Variants in CDC42BPA observed in about 807,000 individuals in gnomAD.
The protein encoded by CDC42BPA is CDC42 binding protein kinase alpha.
In CDC42BPA, 80 loss-of-function variants were observed where a neutral mutation model predicts 223.5. The ratio of observed to expected loss-of-function variants is 0.36; its 90% CI spans 0.30 to 0.43. CDC42BPA has a LOEUF of 0.43. CDC42BPA is among the 20% of genes least tolerant of loss of function. The pLI, the probability that CDC42BPA is intolerant of heterozygous loss-of-function variation, is 1.00. For missense variants in CDC42BPA, 1,743 were observed against 2,099.9 expected, an observed-to-expected ratio of 0.83 and a Z score of 3.32; for synonymous variants, 694 against 718.6, an observed-to-expected ratio of 0.97 and a Z score of 0.55.
At chr1:227,241,327 C>G (rs1479851642) in intron 2 of CDC42BPA, among the ~76,000 whole-genome samples, 2 of 152,088 alleles carry the variant, frequency 1.3e-5, no homozygotes, top group East Asian at 1.9e-4. Flanking sequence ...CCTAGCATAG[C>G]AGTTCCACTT....
At chr1:227,034,593 A>C in intron 26 of CDC42BPA, 62 bp downstream of exon 26, 5 of 1,476,528 alleles carry the variant, frequency 3.4e-6, no homozygotes, top group Non-Finnish European at 4.6e-6. Context: ...ATTTTTGAAA[A>C]TCAGAAACTT....
chr1:227,275,450 A>C (rs1299276733), intron 1 of CDC42BPA, among the ~76,000 whole-genome samples: 1 of 152,156 alleles, frequency 6.6e-6, no homozygotes, highest in African/African-American at 2.4e-5. Flanking sequence ...AGTAGATGTT[A>C]ATAAAATTAA....
chr1:227,169,729 C>T (rs1665755767), intron 5 of CDC42BPA, among the ~76,000 whole-genome samples: 1 of 152,172 alleles, frequency 6.6e-6, no homozygotes, highest in African/African-American at 2.4e-5. Context: ...CATATACCTC[C>T]ATCTTCTTTG....
At chr1:227,142,907 T>C (rs1349470973) in intron 9 of CDC42BPA, 38 bp downstream of exon 9, 2 of 1,419,692 alleles carry the variant, frequency 1.4e-6, no homozygotes, top group Non-Finnish European at 1.9e-6. Context: ...CGTGAGCCAC[T>C]GCACTTGGCC....
chr1:227,231,470 T>A (rs1298666358), intron 2 of CDC42BPA, among the ~76,000 whole-genome samples: 4 of 152,218 alleles, frequency 2.6e-5, no homozygotes, highest in Non-Finnish European at 5.9e-5. Flanking sequence ...TATAGCAGCA[T>A]GATTTATAAT....
chr1:227,263,555 G>A (rs1684461646), intron 1 of CDC42BPA, among the ~76,000 whole-genome samples: 1 of 151,140 alleles, frequency 6.6e-6, no homozygotes, highest in Non-Finnish European at 1.5e-5. Context: ...GACAAACCTT[G>A]CTGATATCTC....
At position 226,994,245 on chromosome 1, in the gene CDC42BPA, A is replaced by G. The variant is rs3795452; in HGVS notation, c.*23T>C. On this transcript the variant is annotated 3_prime_UTR_variant, in exon 37 of 37. Transcript: ENST00000366766. This position sits in a 1 kb window ranked among gnomAD's most constrained non-coding sequence, Gnocchi z 4.0. ...GGCGAGTGGCAGGGAGCGGAGAGCG[A>G]GAGGTCCCAGTGCTGAGGCAGCTCA... 5,745 of 1,557,702 alleles carry G rather than the reference A, an allele frequency of 3.7e-3. 109 individuals are homozygous for G. The highest frequency in any genetic ancestry group is 0.036 in the East Asian group (1,495 of 41,474).
chr1:227,196,794 A>AAGATAT (rs1670834194), intron 4 of CDC42BPA, among the ~76,000 whole-genome samples: 2 of 152,220 alleles, frequency 1.3e-5, no homozygotes, highest in Non-Finnish European at 2.9e-5. Context: ...ATGTCAGTGC[A>AAGATAT]AGATATTTTC....
At chr1:227,068,381 A>C (rs1677546756) in intron 21 of CDC42BPA, 1 of 154,708 alleles carries the variant, frequency 6.5e-6, no homozygotes, top group Non-Finnish European at 1.5e-5. Context: ...AAATAATTAA[A>C]TAAGCATTCT....
chr1:227,318,185 AAGC>A lies in CDC42BPA; in HGVS notation c.-1006_-1004del, dbSNP rs1573064819. 1 of 156,020 alleles carries A rather than the reference AAGC, an allele frequency of 6.4e-6. No homozygotes were observed. The highest frequency in any genetic ancestry group is 1.4e-5 in the Non-Finnish European group (1 of 71,590). The allele number at this position is 156,020 out of a possible 1,614,324, so 9.7% of individuals were successfully genotyped here. A position where few individuals can be genotyped will look rare whatever the true frequency, so the allele number is the denominator to read the frequency against. ...GTGCTTCTCTGAATTCAAAGGACACAAGCAGCAGCAGCTGCGGCGGCGGCGCGG... is the reference window on the plus strand; with the variant it reads ...GTGCTTCTCTGAATTCAAAGGACACAAGCAGCAGCTGCGGCGGCGGCGCGG... On this transcript the variant is annotated 5_prime_UTR_variant, in exon 1 of 37. Transcript: ENST00000366766.
chr1:227,010,969 G>A (rs777579198), intron 34 of CDC42BPA: 1 of 1,363,654 alleles, frequency 7.3e-7, no homozygotes, highest in Admixed American at 1.9e-5. Flanking sequence ...AAATTTTTCA[G>A]CAGAATTAAC....
chr1:227,017,275 T>A (rs1666469329), intron 32 of CDC42BPA, among the ~76,000 whole-genome samples: 1 of 152,196 alleles, frequency 6.6e-6, no homozygotes, highest in Non-Finnish European at 1.5e-5. Flanking sequence ...TCACTTTTAC[T>A]TGATTATAAA....
intron 22 of CDC42BPA, among the ~76,000 whole-genome samples, chr1:227,048,826 G>A (rs946685296): frequency 8.7e-5 from 13 of 148,626 alleles, no homozygotes; most frequent in African/African-American, 2.7e-4. Flanking sequence ...AAAGGAAAAC[G>A]CTAGTCTTTG....
At chr1:227,316,608 G>A (rs1184628089) in intron 1 of CDC42BPA, among the ~76,000 whole-genome samples, 1 of 152,248 alleles carries the variant, frequency 6.6e-6, no homozygotes, top group East Asian at 1.9e-4. Context: ...CTCCTATTTT[G>A]AGAATAATTT....
chr1:227,193,672 G>T (rs3768436), intron 5 of CDC42BPA, 114 bp downstream of exon 5: 580,609 of 833,228 alleles, frequency 0.7, 203,224 homozygotes, highest in Middle Eastern at 0.74. Context: ...AATTTTTTTT[G>T]GTTGACGATA....
intron 1 of CDC42BPA, among the ~76,000 whole-genome samples, chr1:227,297,891 A>T (rs1389458174): frequency 6.6e-6 from 1 of 150,410 alleles, no homozygotes; most frequent in Non-Finnish European, 1.5e-5. Flanking sequence ...TGTAATTGAC[A>T]CCACCAAATA....
intron 10 of CDC42BPA, among the ~76,000 whole-genome samples, chr1:227,138,068 A>C (rs758878135): frequency 4.6e-5 from 7 of 152,122 alleles, no homozygotes; most frequent in Non-Finnish European, 7.4e-5. Flanking sequence ...AAGGGAAGTA[A>C]TTCATATGCA....
At chr1:227,313,738 T>G (rs746403495) in intron 1 of CDC42BPA, among the ~76,000 whole-genome samples, 1 of 148,206 alleles carries the variant, frequency 6.7e-6, no homozygotes, top group Non-Finnish European at 1.5e-5. Context: ...ACACCTCACT[T>G]AATTAACACT....
At chr1:227,060,441 G>A (rs1381179167) in intron 21 of CDC42BPA, among the ~76,000 whole-genome samples, 1 of 152,116 alleles carries the variant, frequency 6.6e-6, no homozygotes. Context: ...GGGATTGAAA[G>A]ATAAACAAGA....
Sources: gnomAD v4.1 joint callset for allele counts (sites outside exome capture counted in the v4.1 genomes callset) on GRCh38, gnomAD v4.1.1 for gene constraint, Gnocchi (gnomAD v3.1) non-coding constraint, MANE v1.5 for transcripts, NCBI Gene and HGNC (gene_info 2026-07-23, HGNC 2026-07-21) for gene names.